CNTN3: variants seen among roughly 807,000 people sequenced by gnomAD.
The protein encoded by CNTN3 is contactin-3.
In CNTN3, 60 loss-of-function variants were observed where a neutral mutation model predicts 119.1. The observed-to-expected ratio is 0.50, with a 90% confidence interval of 0.41 to 0.62. The LOEUF is 0.62. CNTN3 is among the 20% of genes least tolerant of loss of function. The probability of loss-of-function intolerance (pLI) is 0.00; values close to 1 mark genes in which losing one functional copy is unlikely to be tolerated. For missense variants in CNTN3, 1,101 were observed against 1,242.4 expected (o/e 0.89, Z 1.71); for synonymous variants, 450 against 438.7 (o/e 1.03, Z -0.32).
intron 11 of CNTN3, 132 bp from the exon 12 acceptor site, chr3:74,336,790 T>G: frequency 1.6e-6 from 1 of 621,546 alleles, no homozygotes; most frequent in African/African-American, 1.9e-5. Flanking sequence ...CCTTAGCTTT[T>G]TGGGAATACA....
At chr3:74,515,859 A>G (rs1372186204) in intron 2 of CNTN3, among the ~76,000 whole-genome samples, 3 of 151,980 alleles carry the variant, frequency 2.0e-5, no homozygotes, top group Non-Finnish European at 4.4e-5. Flanking sequence ...TTTCACCTTG[A>G]GAACACTTAT....
rs565102160 is a variant in CNTN3, at chr3:74,423,791, AT to A, written c.454+1053del. 1.6e-3 allele frequency among the ~76,000 whole-genome samples: 249 copies of A among 152,268 alleles called. 1 individual carries two copies. The highest frequency in any genetic ancestry group is 5.7e-3 in the African/African-American group (235 of 41,548). On this transcript the variant is annotated intron_variant, in intron 5 of 22. Transcript: ENST00000263665. ...CAGCAGACCACATGATGGCAATCCT[AT>A]TTTTTAATCAAGCTCCAAGTCTGCA...
intron 1 of CNTN3, among the ~76,000 whole-genome samples, chr3:74,586,863 G>A (rs1162020461): frequency 6.6e-6 from 1 of 152,048 alleles, no homozygotes; most frequent in East Asian, 1.9e-4. Flanking sequence ...GATATTAAAT[G>A]TCTTTTCTCA....
At chr3:74,450,204 TA>T (rs1243826462) in intron 4 of CNTN3, among the ~76,000 whole-genome samples, 1 of 152,094 alleles carries the variant, frequency 6.6e-6, no homozygotes, top group Non-Finnish European at 1.5e-5. Context: ...TTGAAACATT[TA>T]AAAAATACAT....
intron 4 of CNTN3, among the ~76,000 whole-genome samples, chr3:74,459,200 T>C (rs1702321409): frequency 6.6e-6 from 1 of 152,014 alleles, no homozygotes; most frequent in Admixed American, 6.6e-5. Flanking sequence ...CTTTTCCCCA[T>C]GTTGCCTCTT....
intron 1 of CNTN3, among the ~76,000 whole-genome samples, chr3:74,606,932 A>G (rs1705002140): frequency 6.6e-6 from 1 of 152,210 alleles, no homozygotes; most frequent in Non-Finnish European, 1.5e-5. Flanking sequence ...CTAAATAGAA[A>G]CATGTATATC....
chr3:74,496,619 G>C (rs1390643380), intron 3 of CNTN3, among the ~76,000 whole-genome samples: 2 of 151,994 alleles, frequency 1.3e-5, no homozygotes, highest in African/African-American at 4.8e-5. Flanking sequence ...TTTCATCTTA[G>C]CATTAGTTGA....
intron 1 of CNTN3, among the ~76,000 whole-genome samples, chr3:74,603,657 G>A (rs1704947325): frequency 6.6e-6 from 1 of 152,042 alleles, no homozygotes; most frequent in Non-Finnish European, 1.5e-5. Context: ...TACTGAGTTT[G>A]AAATGGAAGA....
chr3:74,538,385 G>A (rs1200866174), intron 1 of CNTN3, among the ~76,000 whole-genome samples: 4 of 152,250 alleles, frequency 2.6e-5, no homozygotes, highest in Admixed American at 2.6e-4. Flanking sequence ...CACAAGCTAA[G>A]AAAGCCGAGA....
intron 16 of CNTN3, 33 bp downstream of exon 16, chr3:74,301,365 A>C (rs751211487): frequency 6.2e-7 from 1 of 1,600,528 alleles, no homozygotes; most frequent in African/African-American, 1.3e-5. Flanking sequence ...ACAGAAATCT[A>C]TTAATCCATT....
chr3:74,369,240 C>G lies in CNTN3; in HGVS notation c.895G>C (p.Ala299Pro). The change falls in exon 8 of 23, where the codon GCT (alanine) becomes CCT (proline). Residue 299 changes from alanine (A) to proline (P), a missense_variant. Physicochemically the swap from Ala to Pro is conservative, Grantham distance 27. Coordinates refer to ENST00000263665, the MANE Select transcript of CNTN3 (RefSeq NM_020872.3). ...ACATTTTTTCCTCGTGAATTCTCAG[C>G]AATGCATTCATAGGAACCTGCATCT... The part of the protein sequence containing the change: ...QEDAGSYECI[A>P]ENSRGKNVAR... 6.2e-7 allele frequency: 1 copy of G among 1,610,768 alleles called. No homozygotes were observed. The highest frequency in any genetic ancestry group is 8.5e-7 in the Non-Finnish European group (1 of 1,178,416).
intron 1 of CNTN3, among the ~76,000 whole-genome samples, chr3:74,568,138 T>C (rs186987845): frequency 1.2e-4 from 18 of 149,448 alleles, no homozygotes; most frequent in Admixed American, 1.1e-3. Context: ...CTCACGCCTA[T>C]GATAACTTAA....
intron 4 of CNTN3, among the ~76,000 whole-genome samples, chr3:74,430,344 T>C (rs981894842): frequency 2.6e-5 from 4 of 152,200 alleles, no homozygotes; most frequent in African/African-American, 9.7e-5. Context: ...CCCAACCCCT[T>C]TGGTAAATCT....
At chr3:74,594,573 T>C (rs1483034809) in intron 1 of CNTN3, among the ~76,000 whole-genome samples, 1 of 152,078 alleles carries the variant, frequency 6.6e-6, no homozygotes, top group Non-Finnish European at 1.5e-5. Flanking sequence ...GATAGTTTGC[T>C]GAGAAGAATG....
At chr3:74,287,622 T>G (rs1421167312) in intron 19 of CNTN3, among the ~76,000 whole-genome samples, 1 of 152,158 alleles carries the variant, frequency 6.6e-6, no homozygotes, top group Non-Finnish European at 1.5e-5. Context: ...TCCAGATCTG[T>G]CTTCCACTCT....
chr3:74,595,171 T>C (rs1444075879), intron 1 of CNTN3, among the ~76,000 whole-genome samples: 25 of 151,916 alleles, frequency 1.6e-4, no homozygotes, highest in Non-Finnish European at 2.8e-4. Flanking sequence ...TGGTTTGAGT[T>C]CATTGTAGAT....
rs563816943 is a variant in CNTN3 at position 74,275,130 on chromosome 3, T to C, written c.2705-7752A>G. On this transcript the variant is annotated intron_variant, in intron 20 of 22. Transcript: ENST00000263665. Reference sequence around the variant, plus strand: ...AAGAAAAAAGAATAAGAAAATATGATTGTCTCCAAGAAGTCTGGGATTATA... The same window carrying C: ...AAGAAAAAAGAATAAGAAAATATGACTGTCTCCAAGAAGTCTGGGATTATA... 2.0e-5 allele frequency among the ~76,000 whole-genome samples: 3 copies of C among 152,188 alleles called. No homozygotes were observed. In the East Asian group the frequency reaches 5.8e-4, roughly 29 times the overall value.
chr3:74,431,583 ATAGAG>A (rs746274377), intron 4 of CNTN3, among the ~76,000 whole-genome samples: 12 of 152,244 alleles, frequency 7.9e-5, no homozygotes, highest in Non-Finnish European at 1.0e-4. Context: ...AATGGATATT[ATAGAG>A]TATTCTAAAT....
chr3:74,612,051 T>A (rs942222214), intron 1 of CNTN3, among the ~76,000 whole-genome samples: 2 of 152,226 alleles, frequency 1.3e-5, no homozygotes, highest in African/African-American at 4.8e-5. Context: ...ATCTGACAGT[T>A]TGGAAGCAGC....
Sources: allele counts gnomAD v4.1 joint callset (sites outside exome capture counted in the v4.1 genomes callset), GRCh38; gene constraint gnomAD v4.1.1; transcripts MANE v1.5; gene names NCBI Gene and HGNC (gene_info 2026-07-23, HGNC 2026-07-21).